PCDHGB3: variants seen among roughly 807,000 people sequenced by gnomAD.
PCDHGB3 encodes protocadherin gamma-B3.
Under a neutral mutation model 59.2 loss-of-function variants are expected in PCDHGB3, and 40 were observed. That is an observed-to-expected ratio of 0.68 (90% CI 0.52 to 0.88). PCDHGB3 has a LOEUF of 0.88. PCDHGB3 is among the 40% of genes least tolerant of loss of function. PCDHGB3 has a pLI of 0.00. For missense variants in PCDHGB3, 1,309 were observed against 1,187.9 expected (o/e 1.10, Z -1.50); for synonymous variants, 581 against 503.6 (o/e 1.15, Z -2.06).
intron 1 of PCDHGB3, chr5:141,389,657 G>C (rs372714152): frequency 8.1e-6 from 13 of 1,612,432 alleles, no homozygotes; most frequent in African/African-American, 2.7e-5. Context: ...AGGTAGTGGC[G>C]GTGGACGCAG....
chr5:141,501,902 C>G (rs2154593013), intron 2 of PCDHGB3, among the ~76,000 whole-genome samples: 1 of 152,202 alleles, frequency 6.6e-6, no homozygotes, highest in East Asian at 1.9e-4. Flanking sequence ...GGTTCCAACC[C>G]CACTGTTCCA....
intron 1 of PCDHGB3, among the ~76,000 whole-genome samples, chr5:141,443,858 T>C (rs1325927807): frequency 6.6e-6 from 1 of 152,162 alleles, no homozygotes; most frequent in Non-Finnish European, 1.5e-5. Context: ...GTCTGAAAAC[T>C]GAAAAAATTA....
intron 1 of PCDHGB3, chr5:141,478,489 C>G (rs779457709): frequency 5.6e-6 from 9 of 1,613,162 alleles, no homozygotes; most frequent in Middle Eastern, 1.6e-4. Flanking sequence ...CGCTGCGGAG[C>G]TGTGATCCGG....
intron 1 of PCDHGB3, chr5:141,399,515 C>T (rs748098945): frequency 6.2e-7 from 1 of 1,614,040 alleles, no homozygotes; most frequent in African/African-American, 1.3e-5. Context: ...AACAACCCTC[C>T]TGGGGCCTCC....
intron 1 of PCDHGB3, chr5:141,414,350 C>G (rs1450829111): frequency 6.2e-7 from 1 of 1,613,726 alleles, no homozygotes; most frequent in East Asian, 2.2e-5. Context: ...TCCATTTTGG[C>G]GTATCTACCA....
chr5:141,457,632 G>T (rs919693977), intron 1 of PCDHGB3, among the ~76,000 whole-genome samples: 1 of 152,142 alleles, frequency 6.6e-6, no homozygotes, highest in Non-Finnish European at 1.5e-5. Context: ...CTTATACTTG[G>T]CCTGATTATT....
At position 141,371,777 on chromosome 5, in the gene PCDHGB3, A is replaced by G. The variant is rs368442078; in HGVS notation, c.1383A>G (p.Val461=). Residue 461 remains valine, a synonymous_variant, in exon 1 of 4, where the codon GTA becomes GTG. Coordinates refer to ENST00000576222, the MANE Select transcript of PCDHGB3 (RefSeq NM_018924.5). The part of the protein sequence containing the change: ...VFHQASYTVH[V]AENNPPGASI... ...ACCAGGCCTCCTACACCGTGCATGT[A>G]GCTGAGAACAATCCGCCTGGAGCCT... The G allele has an allele frequency of 9.9e-6, 16 of 1,613,872 alleles. No individual in the cohort carries two copies. In the African/African-American group the frequency reaches 1.7e-4, roughly 17 times the overall value.
intron 1 of PCDHGB3, chr5:141,414,525 T>C (rs1413988459): frequency 1.2e-6 from 2 of 1,613,972 alleles, no homozygotes; most frequent in South Asian, 1.1e-5. Flanking sequence ...CAGATATCAA[T>C]GACAACCCAC....
In PCDHGB3 at chr5:141,485,109, C is replaced by A; in HGVS notation, c.2416-9698C>A. ...AGATAGGTGTCTCCAGCTGCTGTGG[C>A]TGTTTGGGGCGGGTCGGCTTCATCC... On this transcript the variant is annotated intron_variant, in intron 1 of 3. Transcript: ENST00000576222. This position sits in a 1 kb window ranked among gnomAD's most constrained non-coding sequence, Gnocchi z 5.7. The A allele has an allele frequency of 1.6e-6, 2 of 1,230,962 alleles. No individual in the cohort carries two copies. The highest frequency in any genetic ancestry group is 2.4e-6 in the Non-Finnish European group (2 of 850,024). The allele number at this position is 1,230,962 out of a possible 1,614,324, so 76.3% of individuals were successfully genotyped here.
chr5:141,437,408 G>A (rs1591455458), intron 1 of PCDHGB3, among the ~76,000 whole-genome samples: 1 of 152,200 alleles, frequency 6.6e-6, no homozygotes, highest in Non-Finnish European at 1.5e-5. Flanking sequence ...CATTCCAGAA[G>A]TATTATGCTT....
intron 1 of PCDHGB3, chr5:141,416,991 T>A (rs1052950610): frequency 2.0e-5 from 3 of 151,906 alleles, no homozygotes; most frequent in Non-Finnish European, 4.4e-5. Context: ...TTATTGTGCA[T>A]TCATCTCAAA....
chr5:141,382,125 G>GC (rs1470370841), intron 1 of PCDHGB3, among the ~76,000 whole-genome samples: 4 of 151,872 alleles, frequency 2.6e-5, no homozygotes, highest in Non-Finnish European at 5.9e-5. Flanking sequence ...ACAGCACCTG[G>GC]CCCCCCCTCT....
intron 1 of PCDHGB3, chr5:141,393,663 AT>A (rs1334579066): frequency 6.2e-7 from 1 of 1,613,820 alleles, no homozygotes; most frequent in East Asian, 2.2e-5. Flanking sequence ...ATTCCGGAAA[AT>A]TAATGAAAAA....
At chr5:141,405,004 G>A in intron 1 of PCDHGB3, 1 of 1,613,960 alleles carries the variant, frequency 6.2e-7, no homozygotes, top group South Asian at 1.1e-5. Flanking sequence ...CTGCAGACCT[G>A]GAGGCCTCAG....
chr5:141,464,144 A>G (rs1305530394), intron 1 of PCDHGB3, among the ~76,000 whole-genome samples: 1 of 152,030 alleles, frequency 6.6e-6, no homozygotes, highest in South Asian at 2.1e-4. Context: ...GGGCGCCTGT[A>G]GTCCCAGCTA....
chr5:141,381,835 T>TCTTTCTTCTTC (rs1561589443), intron 1 of PCDHGB3, among the ~76,000 whole-genome samples: 174 of 141,116 alleles, frequency 1.2e-3, no homozygotes, highest in African/African-American at 4.6e-3. Flanking sequence ...TCTTTTTTTT[T>TCTTTCTTCTTC]TTTTTTTTTT....
At position 141,486,923 on chromosome 5, in the gene PCDHGB3, G is replaced by A. The variant is rs1377159895; in HGVS notation, c.2416-7884G>A. ...ATGTCCCCAAGCACTGCCTCCATCAGTTGGTGCTGGCCACCTAATCACAAA... is the reference window on the plus strand; with the variant it reads ...ATGTCCCCAAGCACTGCCTCCATCAATTGGTGCTGGCCACCTAATCACAAA... On this transcript the variant is annotated intron_variant, in intron 1 of 3. Transcript: ENST00000576222. This position sits in a 1 kb window ranked among gnomAD's most constrained non-coding sequence, Gnocchi z 5.0. 6.2e-7 allele frequency: 1 copy of A among 1,614,252 alleles called. No individual in the cohort carries two copies. Among genetic ancestry groups the A allele is most frequent in the Admixed American group, 1.7e-5 (1 of 60,028 alleles).
intron 1 of PCDHGB3, chr5:141,404,332 C>T (rs1257075931): frequency 6.2e-7 from 1 of 1,613,916 alleles, no homozygotes; most frequent in East Asian, 2.2e-5. Context: ...ACTCAGTCTA[C>T]CTCCCGGAAA....
Position 141,432,979 on chromosome 5 carries a change from TGTGGGC to T in PCDHGB3, c.2415+60175_2415+60180del. 1 of 1,614,228 alleles carries T rather than the reference TGTGGGC, an allele frequency of 6.2e-7. No individual in the cohort carries two copies. On this transcript the variant is annotated intron_variant, in intron 1 of 3. Coordinates refer to ENST00000576222, the MANE Select transcript of PCDHGB3 (RefSeq NM_018924.5). The surrounding 1 kb of genome is among the most constrained non-coding windows in gnomAD (Gnocchi z 6.0). ...TGACAGGAGCGCCGGCGTCGCACTTTGTGGGCGTGGACGGGGTGCAGGCTTTCCTGC... is the reference window on the plus strand; with the variant it reads ...TGACAGGAGCGCCGGCGTCGCACTTTGTGGACGGGGTGCAGGCTTTCCTGC...
Sources: gnomAD v4.1 joint callset for allele counts (sites outside exome capture counted in the v4.1 genomes callset) on GRCh38, gnomAD v4.1.1 for gene constraint, Gnocchi (gnomAD v3.1) non-coding constraint, MANE v1.5 for transcripts, NCBI Gene and HGNC (gene_info 2026-07-23, HGNC 2026-07-21) for gene names.